The following PRKAR1B variants were observed in gnomAD, a reference collection of about 807,000 sequenced individuals.
The protein encoded by PRKAR1B is protein kinase cAMP-dependent type I regulatory subunit beta.
PRKAR1B carries 22 observed loss-of-function variants against 46.5 expected under a neutral mutation model. That is an observed-to-expected ratio of 0.47 (90% CI 0.34 to 0.68). PRKAR1B has a LOEUF of 0.68. Among genes scored for constraint, PRKAR1B ranks in the 30% least tolerant of loss-of-function variants. The pLI is 0.01. For missense variants in PRKAR1B, 445 were observed against 535.6 expected, an observed-to-expected ratio of 0.83 and a Z score of 1.67; for synonymous variants, 259 against 217.7, an observed-to-expected ratio of 1.19 and a Z score of -1.67.
chr7:683,684 G>A (rs1346029185), intron 2 of PRKAR1B, among the ~76,000 whole-genome samples: 1 of 152,248 alleles, frequency 6.6e-6, no homozygotes, highest in Non-Finnish European at 1.5e-5. Context: ...ACATGGAGCA[G>A]CGGGATGCAG....
rs557320302 is a variant in PRKAR1B, at chr7:641,188, A to C, written c.441-33736T>G. Among the ~76,000 whole-genome samples the C allele has an allele frequency of 3.6e-4, 55 of 152,122 alleles. No individual in the cohort carries two copies. In the East Asian group the frequency reaches 8.9e-3, roughly 25 times the overall value. Reference sequence around the variant, plus strand: ...AGGATGGTCTCCATCTCCCGACCTCATGATCCGCCCGCCTCGGCCTCCCAA... The same window carrying C: ...AGGATGGTCTCCATCTCCCGACCTCCTGATCCGCCCGCCTCGGCCTCCCAA... On this transcript the variant is annotated intron_variant, in intron 4 of 10. Coordinates refer to ENST00000537384, the MANE Select transcript of PRKAR1B (RefSeq NM_001164760.2).
In PRKAR1B at chr7:572,797, G is replaced by A. The variant is rs145004854; in HGVS notation, c.891+6459C>T. ...GGGAGCTCCGTGGCCCTACAGGGAT[G>A]AGGCCTCATGCACAGGGCATCTGCG... On this transcript the variant is annotated intron_variant, in intron 9 of 10. Coordinates refer to ENST00000537384, the MANE Select transcript of PRKAR1B (RefSeq NM_001164760.2). 1.2e-3 allele frequency among the ~76,000 whole-genome samples: 182 copies of A among 152,348 alleles called. 1 individual carries two copies. Among genetic ancestry groups the A allele is most frequent in the African/African-American group, 4.1e-3 (169 of 41,586 alleles).
intron 4 of PRKAR1B, among the ~76,000 whole-genome samples, chr7:670,834 G>A (rs760542724): frequency 6.6e-6 from 1 of 151,608 alleles, no homozygotes; most frequent in Non-Finnish European, 1.5e-5. Flanking sequence ...ATCCGGCAGC[G>A]GGGCTCCGGA....
At chr7:661,996 C>T (rs535744021) in intron 4 of PRKAR1B, among the ~76,000 whole-genome samples, 3 of 87,108 alleles carry the variant, frequency 3.4e-5, no homozygotes, top group African/African-American at 9.7e-5. Flanking sequence ...CTACTCTCCC[C>T]CACATGGCAC....
At position 667,240 on chromosome 7, in the gene PRKAR1B, T is replaced by C. The variant is rs1327820202; in HGVS notation, c.440+9989A>G. Among the ~76,000 whole-genome samples the C allele has an allele frequency of 2.6e-5, 4 of 152,158 alleles. No homozygotes were observed. On this transcript the variant is annotated intron_variant, in intron 4 of 10. Coordinates refer to ENST00000537384, the MANE Select transcript of PRKAR1B (RefSeq NM_001164760.2). This position sits in a 1 kb window ranked among gnomAD's most constrained non-coding sequence, Gnocchi z 4.3. The stretch of plus-strand genomic sequence containing the variant: ...GTGATGACTATGATGGTGATGATAA[T>C]GATGGTGGTGATAACAGTACACACA...
rs1212266166 is a variant in PRKAR1B at position 586,463 on chromosome 7, TG to T, written c.709-1896del. 2.0e-5 allele frequency among the ~76,000 whole-genome samples: 3 copies of T among 152,364 alleles called. No homozygotes were observed. In the East Asian group the frequency reaches 5.8e-4, roughly 29 times the overall value. On this transcript the variant is annotated intron_variant, in intron 7 of 10. Transcript: ENST00000537384. ...CCTGCTCTCTCCTGGATCGCTCAGC[TG>T]CAGAGAAGCTCAGAGGAGGAGCAGC... is the stretch of plus-strand genomic sequence containing the variant.
intron 4 of PRKAR1B, among the ~76,000 whole-genome samples, chr7:621,788 T>C (rs1369932366): frequency 6.6e-6 from 1 of 152,036 alleles, no homozygotes; most frequent in African/African-American, 2.4e-5. Context: ...ATCTGTAAAA[T>C]GGGCACAGTA....
intron 2 of PRKAR1B, chr7:691,461 G>T (rs949175976): frequency 4.1e-5 from 53 of 1,297,740 alleles, no homozygotes; most frequent in Non-Finnish European, 5.2e-5. Context: ...CCACTCCCAC[G>T]GATGAAGATG....
chr7:575,504 G>A (rs1360108048), intron 9 of PRKAR1B, among the ~76,000 whole-genome samples: 1 of 152,232 alleles, frequency 6.6e-6, no homozygotes, highest in Non-Finnish European at 1.5e-5. Context: ...CTTTTCCACA[G>A]GAAAGACAGC....
intron 4 of PRKAR1B, among the ~76,000 whole-genome samples, chr7:658,070 C>T (rs545268200): frequency 5.3e-5 from 8 of 152,220 alleles, no homozygotes; most frequent in Non-Finnish European, 7.4e-5. Flanking sequence ...AGCATATGGA[C>T]GGCGAATGTG....
chr7:681,567 T>C lies in PRKAR1B; in HGVS notation c.178-841A>G, dbSNP rs111271843. Among the ~76,000 whole-genome samples the C allele has an allele frequency of 2.0e-3, 312 of 152,284 alleles. 1 individual carries two copies. Among genetic ancestry groups the C allele is most frequent in the African/African-American group, 7.2e-3 (301 of 41,568 alleles). ...GGTGTGGGGTTTATGGAGGCTGAGA[T>C]GACAAGCATCTGGAGGTCTGCTGGG... On this transcript the variant is annotated intron_variant, in intron 2 of 10. Transcript: ENST00000537384.
chr7:568,292 G>A (rs970070759), intron 9 of PRKAR1B, among the ~76,000 whole-genome samples: 8 of 152,170 alleles, frequency 5.3e-5, no homozygotes, highest in Admixed American at 4.6e-4. Flanking sequence ...CCTGCTCCTG[G>A]GGAAGCTGCC....
intron 2 of PRKAR1B, among the ~76,000 whole-genome samples, chr7:692,354 C>T (rs565601609): frequency 2.6e-5 from 4 of 152,204 alleles, no homozygotes; most frequent in Non-Finnish European, 4.4e-5. Context: ...GAGCTGAGAT[C>T]GCGCCATGGC....
At chr7:614,531 A>C (rs1782696453) in intron 4 of PRKAR1B, among the ~76,000 whole-genome samples, 1 of 151,976 alleles carries the variant, frequency 6.6e-6, no homozygotes. Context: ...GGGCACCATA[A>C]GGAGGTGAAA....
At chr7:682,162 G>A (rs568861849) in intron 2 of PRKAR1B, among the ~76,000 whole-genome samples, 5 of 152,260 alleles carry the variant, frequency 3.3e-5, no homozygotes, top group Admixed American at 2.0e-4. Flanking sequence ...AGGCCACACC[G>A]GGTAGCTCAC....
chr7:611,248 C>T (rs1782466263), intron 4 of PRKAR1B, among the ~76,000 whole-genome samples: 1 of 152,250 alleles, frequency 6.6e-6, no homozygotes. Flanking sequence ...GCATGTGCCT[C>T]CCTCTCGTCC....
At chr7:616,739 A>T (rs1782842373) in intron 4 of PRKAR1B, among the ~76,000 whole-genome samples, 1 of 152,192 alleles carries the variant, frequency 6.6e-6, no homozygotes, top group African/African-American at 2.4e-5. Flanking sequence ...TGTGGTTCCC[A>T]GTCATGCCCG....
intron 4 of PRKAR1B, among the ~76,000 whole-genome samples, chr7:654,014 TCAC>T (rs943536947): frequency 3.3e-5 from 5 of 151,134 alleles, no homozygotes; most frequent in African/African-American, 7.3e-5. Context: ...ATCTCTATCT[TCAC>T]CACCGTCACC....
chr7:646,122 T>C (rs1321868724), intron 4 of PRKAR1B, among the ~76,000 whole-genome samples: 1 of 152,108 alleles, frequency 6.6e-6, no homozygotes, highest in Admixed American at 6.6e-5. Flanking sequence ...CATAGCTCAC[T>C]GAAACCTCAA....
Sources: allele counts gnomAD v4.1 joint callset (sites outside exome capture counted in the v4.1 genomes callset), GRCh38; gene constraint gnomAD v4.1.1; non-coding constraint Gnocchi (gnomAD v3.1); transcripts MANE v1.5; gene names NCBI Gene and HGNC (gene_info 2026-07-23, HGNC 2026-07-21).